Variants in IGSF21 observed in about 807,000 individuals in gnomAD.
The protein encoded by IGSF21 is immunoglobulin superfamily member 21.
Under a neutral mutation model 46.8 loss-of-function variants are expected in IGSF21, and 28 were observed. The observed-to-expected ratio is 0.60, with a 90% CI of 0.44 to 0.82. The LOEUF is 0.82. Among genes scored for constraint, IGSF21 ranks in the 40% least tolerant of loss-of-function variants. The probability of loss-of-function intolerance (pLI) is 0.00; values close to 1 mark genes in which losing one functional copy is unlikely to be tolerated. For missense variants in IGSF21, 624 were observed against 665.5 expected (o/e 0.94, Z 0.69); for synonymous variants, 284 against 273.6 (o/e 1.04, Z -0.38).
intron 4 of IGSF21, among the ~76,000 whole-genome samples, chr1:18,359,459 A>AAGG (rs2086074561): frequency 1.7e-5 from 2 of 116,636 alleles, no homozygotes; most frequent in African/African-American, 3.7e-5. Flanking sequence ...AGAAAGAAAG[A>AAGG]AAGGGAAGGA....
intron 1 of IGSF21, among the ~76,000 whole-genome samples, chr1:18,191,764 G>T (rs991896557): frequency 6.6e-6 from 1 of 152,088 alleles, no homozygotes; most frequent in African/African-American, 2.4e-5. Flanking sequence ...TCTGTTTGGG[G>T]CTTCATCCGG....
At chr1:18,303,977 T>C (rs974400297) in intron 3 of IGSF21, among the ~76,000 whole-genome samples, 2 of 152,174 alleles carry the variant, frequency 1.3e-5, no homozygotes, top group Non-Finnish European at 2.9e-5. Context: ...TGACCTCGGT[T>C]TGAGTTTTAC....
chr1:18,215,896 G>A (rs2084439761), intron 1 of IGSF21, among the ~76,000 whole-genome samples: 1 of 152,162 alleles, frequency 6.6e-6, no homozygotes, highest in Non-Finnish European at 1.5e-5. Context: ...GTAAGGTACA[G>A]TGTTCATGTC....
At chr1:18,371,129 C>G (rs1417859363) in intron 6 of IGSF21, among the ~76,000 whole-genome samples, 1 of 152,098 alleles carries the variant, frequency 6.6e-6, no homozygotes, top group Non-Finnish European at 1.5e-5. Context: ...ATGGCAACAG[C>G]AAAAACAACA....
rs974823133 is a variant in IGSF21, at chr1:18,262,650, C to A, written c.184-29216C>A. Among the ~76,000 whole-genome samples the A allele has an allele frequency of 4.6e-5, 7 of 152,326 alleles. No individual in the cohort carries two copies. In the South Asian group the frequency reaches 1.5e-3, roughly 32 times the overall value. On this transcript the variant is annotated intron_variant, in intron 2 of 9. Transcript: ENST00000251296. ...AGAGAGGTCTGGTTCCTGGAGAGAG[C>A]TGGAGGCTGCAGGCTGGCACAAGCC...
chr1:18,165,669 G>C (rs924165630), intron 1 of IGSF21, among the ~76,000 whole-genome samples: 1 of 152,164 alleles, frequency 6.6e-6, no homozygotes, highest in African/African-American at 2.4e-5. Flanking sequence ...TTTGTTCAAA[G>C]ACCTGTGCTA....
Position 18,322,241 on chromosome 1 carries a change from G to A in IGSF21, c.306-12651G>A, listed in dbSNP as rs1022921114. On this transcript the variant is annotated intron_variant, in intron 3 of 9. Transcript: ENST00000251296. The surrounding 1 kb of genome is among the most constrained non-coding windows in gnomAD (Gnocchi z 4.3). ...ATCGGCTCCTGGAACTCAAGGGCGA[G>A]GGACCTGATGCTGACCTTGCCCACA... is the stretch of plus-strand genomic sequence containing the variant. 2.0e-5 allele frequency among the ~76,000 whole-genome samples: 3 copies of A among 152,164 alleles called. No homozygotes were observed. The highest frequency in any genetic ancestry group is 7.2e-5 in the African/African-American group (3 of 41,450).
intron 2 of IGSF21, among the ~76,000 whole-genome samples, chr1:18,287,175 C>T (rs1184082118): frequency 7.9e-5 from 6 of 75,654 alleles, no homozygotes; most frequent in African/African-American, 1.5e-4. Context: ...AGCGAGACTC[C>T]GTCTCAAAAA....
At chr1:18,286,945 G>T (rs969635655) in intron 2 of IGSF21, among the ~76,000 whole-genome samples, 1 of 152,092 alleles carries the variant, frequency 6.6e-6, no homozygotes, top group Non-Finnish European at 1.5e-5. Flanking sequence ...ACTTTGGGAG[G>T]CCGAGGCGGG....
In IGSF21 at chr1:18,296,168, C is replaced by T. The variant is rs114390928; in HGVS notation, c.305+4181C>T. ...TTGAGAAGGCACCCGTATTGGCTTC[C>T]TTCCCTTCTAGCTCATTCCATCAGC... On this transcript the variant is annotated intron_variant, in intron 3 of 9. Transcript: ENST00000251296. 4.8e-3 allele frequency among the ~76,000 whole-genome samples: 735 copies of T among 152,296 alleles called. 4 individuals are homozygous for T. Among genetic ancestry groups the T allele is most frequent in the African/African-American group, 0.012 (512 of 41,558 alleles).
chr1:18,118,818 G>A (rs2086209307), intron 1 of IGSF21, among the ~76,000 whole-genome samples: 1 of 152,086 alleles, frequency 6.6e-6, no homozygotes. Context: ...GTCATTCCCA[G>A]GCCAGTCTGG....
At chr1:18,317,100 T>G (rs6681344) in intron 3 of IGSF21, among the ~76,000 whole-genome samples, 97,391 of 152,070 alleles carry the variant, frequency 0.64, 31,703 homozygotes, top group East Asian at 0.94. Flanking sequence ...CATTGACCAG[T>G]GCCTGCCCCT....
intron 2 of IGSF21, among the ~76,000 whole-genome samples, chr1:18,237,829 C>T (rs1377324669): frequency 6.6e-6 from 1 of 152,164 alleles, no homozygotes; most frequent in Non-Finnish European, 1.5e-5. Flanking sequence ...TTGCACTCCT[C>T]CTTGAAAATG....
Position 18,147,103 on chromosome 1 carries a change from C to G in IGSF21, c.70+38905C>G, listed in dbSNP as rs1042381903. 2.0e-5 allele frequency among the ~76,000 whole-genome samples: 3 copies of G among 152,228 alleles called. No individual in the cohort carries two copies. In the South Asian group the frequency reaches 6.2e-4, roughly 32 times the overall value. ...AGCCCAGGCCACCACGTGTCCACGC[C>G]TGCCATAGCCTCCCTGCTGGTCTTG... On this transcript the variant is annotated intron_variant, in intron 1 of 9. Coordinates refer to ENST00000251296, the MANE Select transcript of IGSF21 (RefSeq NM_032880.5).
intron 1 of IGSF21, among the ~76,000 whole-genome samples, chr1:18,196,675 G>A (rs1318604300): frequency 2.6e-5 from 4 of 152,184 alleles, no homozygotes; most frequent in African/African-American, 4.8e-5. Context: ...ATGAGGTGGT[G>A]CTCTTCTTAT....
chr1:18,314,127 G>A (rs559413306), intron 3 of IGSF21, among the ~76,000 whole-genome samples: 5 of 152,224 alleles, frequency 3.3e-5, no homozygotes, highest in Admixed American at 6.5e-5. Context: ...CTCAAATTTC[G>A]CCTTGGCCAA....
rs747315720 is a variant in IGSF21 at position 18,108,051 on chromosome 1, C to G, written c.-78C>G. On this transcript the variant is annotated 5_prime_UTR_variant, in exon 1 of 10. Transcript: ENST00000251296. ...CCAGTGGCCGGAGGCAGGAGCGCGT[C>G]TGAGCCCATGGCGAGGGGACCCGCC... 1 of 625,056 alleles carries G rather than the reference C, an allele frequency of 1.6e-6. No individual in the cohort carries two copies. The highest frequency in any genetic ancestry group is 2.4e-6 in the Non-Finnish European group (1 of 421,212). The allele number at this position is 625,056 out of a possible 1,614,324, so 38.7% of individuals were successfully genotyped here.
At chr1:18,351,078 A>C (rs2085947840) in intron 4 of IGSF21, among the ~76,000 whole-genome samples, 1 of 152,164 alleles carries the variant, frequency 6.6e-6, no homozygotes, top group Non-Finnish European at 1.5e-5. Context: ...TGGATGAGGA[A>C]ACCGAGACCC....
intron 1 of IGSF21, among the ~76,000 whole-genome samples, chr1:18,125,716 C>T (rs2086268790): frequency 6.6e-6 from 1 of 152,202 alleles, no homozygotes; most frequent in African/African-American, 2.4e-5. Context: ...TGGGAGCTTA[C>T]CTTCTAGAGT....
Sources: gnomAD v4.1 joint callset for allele counts (sites outside exome capture counted in the v4.1 genomes callset) on GRCh38, gnomAD v4.1.1 for gene constraint, Gnocchi (gnomAD v3.1) non-coding constraint, MANE v1.5 for transcripts, NCBI Gene and HGNC (gene_info 2026-07-23, HGNC 2026-07-21) for gene names.